Variants in KIAA0825 observed in about 807,000 individuals in gnomAD.
The protein encoded by KIAA0825 is KIAA0825.
In KIAA0825, 119 loss-of-function variants were observed where a neutral mutation model predicts 147.6. The ratio of observed to expected loss-of-function variants is 0.81; its 90% CI spans 0.69 to 0.94. The LOEUF (loss-of-function observed/expected upper bound fraction) is 0.94, where lower values mean the gene tolerates loss of function less well. Among genes scored for constraint, KIAA0825 ranks in the 40% least tolerant of loss-of-function variants. The pLI is 0.00. For missense variants in KIAA0825, 1,381 were observed against 1,472.7 expected, an observed-to-expected ratio of 0.94 and a Z score of 1.02; for synonymous variants, 470 against 518.1, an observed-to-expected ratio of 0.91 and a Z score of 1.26.
intron 5 of KIAA0825, among the ~76,000 whole-genome samples, chr5:94,486,393 TG>T (rs1342204234): frequency 1.3e-5 from 2 of 152,042 alleles, no homozygotes; most frequent in Admixed American, 6.5e-5. Flanking sequence ...TTCACTTCAG[TG>T]AAACTTTAAA....
intron 1 of KIAA0825, among the ~76,000 whole-genome samples, chr5:94,610,806 TAA>T (rs1456821298): frequency 5.3e-5 from 5 of 93,786 alleles, no homozygotes; most frequent in African/African-American, 1.3e-4. Context: ...TATATATATA[TAA>T]ATAAAAAGAT....
chr5:94,181,743 G>T (rs1431437175), intron 20 of KIAA0825, among the ~76,000 whole-genome samples: 1 of 152,210 alleles, frequency 6.6e-6, no homozygotes, highest in African/African-American at 2.4e-5. Context: ...AGTCCACAGA[G>T]AAGAGTAAAA....
intron 3 of KIAA0825, among the ~76,000 whole-genome samples, chr5:94,529,556 T>C (rs1457049109): frequency 6.6e-6 from 1 of 151,762 alleles, no homozygotes; most frequent in Non-Finnish European, 1.5e-5. Context: ...TTGGGGTACA[T>C]ACATACATGT....
At chr5:94,267,085 A>G (rs1647593098) in intron 20 of KIAA0825, among the ~76,000 whole-genome samples, 1 of 152,202 alleles carries the variant, frequency 6.6e-6, no homozygotes, top group African/African-American at 2.4e-5. Flanking sequence ...CTCTGTCTCA[A>G]ATGCTTGACT....
At position 94,152,846 on chromosome 5, in the gene KIAA0825, AAAAAAAAAATTATATAT is replaced by A. The variant is rs1562283981; in HGVS notation, c.*1144_*1160del. 3 of 36,186 alleles carry A rather than the reference AAAAAAAAAATTATATAT, an allele frequency of 8.3e-5. No homozygotes were observed. Among genetic ancestry groups the A allele is most frequent in the African/African-American group, 2.0e-4 (2 of 10,174 alleles). 2.2% of individuals were successfully genotyped at this position (36,186 alleles called of 1,614,324 possible). A position where few individuals can be genotyped will look rare whatever the true frequency, so the allele number is the denominator to read the frequency against. Reference sequence around the variant, plus strand: ...GAAAAAAAAAAAAAAAAAAAAAAAAAAAAAAAAAATTATATATATATATATATATATATATATATATA... The same window carrying A: ...GAAAAAAAAAAAAAAAAAAAAAAAAAATATATATATATATATATATATATA... On this transcript the variant is annotated 3_prime_UTR_variant, in exon 21 of 21. Coordinates refer to ENST00000682413, the MANE Select transcript of KIAA0825 (RefSeq NM_001145678.3).
intron 20 of KIAA0825, among the ~76,000 whole-genome samples, chr5:94,170,081 C>T (rs983769917): frequency 7.9e-5 from 12 of 152,000 alleles, no homozygotes; most frequent in Non-Finnish European, 1.3e-4. Context: ...GGGCAGTTCA[C>T]GAGGTCAGGA....
chr5:94,512,637 T>C (rs1766662477), intron 5 of KIAA0825, among the ~76,000 whole-genome samples: 1 of 148,698 alleles, frequency 6.7e-6, no homozygotes, highest in Non-Finnish European at 1.5e-5. Context: ...GGCTCATGCG[T>C]AATCCCAGCA....
At chr5:94,574,237 C>T (rs556421578) in intron 2 of KIAA0825, among the ~76,000 whole-genome samples, 1 of 152,176 alleles carries the variant, frequency 6.6e-6, no homozygotes, top group African/African-American at 2.4e-5. Context: ...ACTTGAGGAA[C>T]GATCCACAAC....
intron 20 of KIAA0825, among the ~76,000 whole-genome samples, chr5:94,353,305 T>C (rs186680924): frequency 2.0e-5 from 3 of 152,324 alleles, no homozygotes; most frequent in Non-Finnish European, 4.4e-5. Flanking sequence ...CTACATACCA[T>C]TTACAGAGGT....
chr5:94,267,308 T>C (rs536554210), intron 20 of KIAA0825, among the ~76,000 whole-genome samples: 1 of 152,206 alleles, frequency 6.6e-6, no homozygotes, highest in Non-Finnish European at 1.5e-5. Context: ...TTATTTGAGA[T>C]TGTGATTATG....
chr5:94,241,240 C>T (rs1468759859), intron 20 of KIAA0825, among the ~76,000 whole-genome samples: 1 of 152,188 alleles, frequency 6.6e-6, no homozygotes, highest in Admixed American at 6.5e-5. Flanking sequence ...CAGCAAAGTG[C>T]CTTCTGATTT....
At chr5:94,237,043 A>ATGTGTG (rs36021428) in intron 20 of KIAA0825, among the ~76,000 whole-genome samples, 1,572 of 147,564 alleles carry the variant, frequency 0.011, 15 homozygotes, top group East Asian at 0.048. Flanking sequence ...AATAGGCTAT[A>ATGTGTG]TGTGTGTGTG....
At chr5:94,615,226 A>G (rs550475950) in intron 1 of KIAA0825, among the ~76,000 whole-genome samples, 1 of 152,346 alleles carries the variant, frequency 6.6e-6, no homozygotes, top group South Asian at 2.1e-4. Flanking sequence ...CAGAACTGCT[A>G]TATTCAGATA....
intron 20 of KIAA0825, among the ~76,000 whole-genome samples, chr5:94,177,650 G>A (rs987200439): frequency 2.6e-5 from 4 of 152,078 alleles, no homozygotes; most frequent in Admixed American, 1.3e-4. Flanking sequence ...GAGCCTTAAT[G>A]CTGCCTGTGG....
intron 20 of KIAA0825, among the ~76,000 whole-genome samples, chr5:94,291,593 C>T (rs552872963): frequency 1.8e-4 from 27 of 152,168 alleles, no homozygotes; most frequent in Middle Eastern, 3.4e-3. Context: ...CTTGGCTATA[C>T]GGGCTCTTTT....
chr5:94,340,932 A>G (rs1028903287), intron 20 of KIAA0825, among the ~76,000 whole-genome samples: 1 of 152,240 alleles, frequency 6.6e-6, no homozygotes, highest in Non-Finnish European at 1.5e-5. Flanking sequence ...AGGAGAAAGA[A>G]CATGGTCTTC....
At chr5:94,405,456 T>C (rs1476157801) in intron 15 of KIAA0825, among the ~76,000 whole-genome samples, 1 of 152,180 alleles carries the variant, frequency 6.6e-6, no homozygotes, top group Non-Finnish European at 1.5e-5. Flanking sequence ...ATTCTATTAA[T>C]ATATTTACCA....
intron 20 of KIAA0825, among the ~76,000 whole-genome samples, chr5:94,190,963 C>T (rs1350643375): frequency 2.0e-5 from 3 of 152,024 alleles, no homozygotes; most frequent in Non-Finnish European, 2.9e-5. Flanking sequence ...GGGGTCTGTT[C>T]AAAGAGGAGA....
intron 14 of KIAA0825, among the ~76,000 whole-genome samples, chr5:94,423,529 T>C (rs1754467192): frequency 6.6e-6 from 1 of 152,170 alleles, no homozygotes; most frequent in East Asian, 1.9e-4. Context: ...TACACATACA[T>C]GGTACACTAG....
Sources: allele counts gnomAD v4.1 joint callset (sites outside exome capture counted in the v4.1 genomes callset), GRCh38; gene constraint gnomAD v4.1.1; transcripts MANE v1.5; gene names NCBI Gene and HGNC (gene_info 2026-07-23, HGNC 2026-07-21).